TAF9: variants seen among roughly 807,000 people sequenced by gnomAD.
TAF9 encodes the protein TATA-box binding protein associated factor 9, also known as transcription initiation factor TFIID subunit 9.
TAF9 carries 10 observed loss-of-function variants against 16.5 expected under a neutral mutation model. The ratio of observed to expected loss-of-function variants is 0.61; its 90% CI spans 0.37 to 1.03. The LOEUF (loss-of-function observed/expected upper bound fraction) is 1.03, where lower values mean the gene tolerates loss of function less well. Among genes scored for constraint, TAF9 ranks in the 50% least tolerant of loss-of-function variants. The pLI is 0.01. For synonymous variants in TAF9, 105 were observed against 120.5 expected, an observed-to-expected ratio of 0.87 and a Z score of 0.84; for missense variants, 288 against 319.1, an observed-to-expected ratio of 0.90 and a Z score of 0.74.
At position 69,364,882 on chromosome 5, in the gene TAF9, G is replaced by T; in HGVS notation, c.*61C>A. 1.4e-6 allele frequency: 2 copies of T among 1,447,186 alleles called. No individual in the cohort carries two copies. The highest frequency in any genetic ancestry group is 1.9e-6 in the Non-Finnish European group (2 of 1,065,218). The allele number at this position is 1,447,186 out of a possible 1,614,324, so 89.6% of individuals were successfully genotyped here. A position where few individuals can be genotyped will look rare whatever the true frequency, so the allele number is the denominator to read the frequency against. ...CAACTTGAAAACATCCAGCATGCAT[G>T]TTTAATATCAGTACAATGAATTCAA... On this transcript the variant is annotated 3_prime_UTR_variant, in exon 3 of 3. Transcript: ENST00000217893.
chr5:69,365,831 A>T (rs942450406), intron 2 of TAF9, 77 bp from the exon 3 acceptor site: 5 of 1,115,784 alleles, frequency 4.5e-6, no homozygotes, highest in Non-Finnish European at 6.1e-6. Context: ...TCAGGAACTT[A>T]AAAAAATTTT....
chr5:69,369,651 G>A, upstream of TAF9: 1 of 1,561,202 alleles, frequency 6.4e-7, no homozygotes, highest in Non-Finnish European at 8.7e-7. Context: ...GCGGCCCACT[G>A]GTTACCTGGC....
chr5:69,366,493 T>C lies in TAF9; in HGVS notation c.-18+10A>G, dbSNP rs772385648. ...AAACAAAACAAATCTAACACCAAAG[T>C]GTCCCTTACCTTCTCGAGCTAAATC... On this transcript the variant is annotated intron_variant, in intron 2 of 2. Coordinates refer to ENST00000217893, the MANE Select transcript of TAF9 (RefSeq NM_003187.5). The C allele has an allele frequency of 1.9e-6, 3 of 1,605,598 alleles. No individual in the cohort carries two copies. The Admixed American group carries it at 5.1e-5, about 27-fold the overall frequency.
At chr5:69,365,786 A>G in intron 2 of TAF9, 32 bp from the exon 3 acceptor site, 1 of 1,423,608 alleles carries the variant, frequency 7.0e-7, no homozygotes, top group South Asian at 1.6e-5. Flanking sequence ...TATGTACATT[A>G]GATCAATCTG....
At chr5:69,369,406 A>T in intron 1 of TAF9, 57 bp downstream of exon 1, 1 of 1,593,100 alleles carries the variant, frequency 6.3e-7, no homozygotes, top group Admixed American at 1.7e-5. Flanking sequence ...CGATGCCCAG[A>T]GCACTCTGCG....
chr5:69,366,192 C>G (rs560025569), intron 2 of TAF9, among the ~76,000 whole-genome samples: 28 of 152,262 alleles, frequency 1.8e-4, no homozygotes, highest in Non-Finnish European at 1.5e-5. Flanking sequence ...CAGTACCAAA[C>G]CTTTGTTTGT....
At chr5:69,365,917 G>A (rs1456428705) in intron 2 of TAF9, among the ~76,000 whole-genome samples, 163 bp from the exon 3 acceptor site, 1 of 152,050 alleles carries the variant, frequency 6.6e-6, no homozygotes, top group Non-Finnish European at 1.5e-5. Context: ...GGCAACTTAA[G>A]GTCGCTTTAA....
At chr5:69,368,501 T>C (rs1762617623) in intron 1 of TAF9, among the ~76,000 whole-genome samples, 1 of 152,184 alleles carries the variant, frequency 6.6e-6, no homozygotes, top group African/African-American at 2.4e-5. Context: ...GGCACTATGT[T>C]TGATCCATGC....
intron 1 of TAF9, chr5:69,369,118 G>A (rs1762695670): frequency 2.4e-6 from 1 of 417,268 alleles, no homozygotes; most frequent in Non-Finnish European, 4.2e-6. Flanking sequence ...AAAATCCCAA[G>A]GCCAACCCTG....
chr5:69,365,867 T>A lies in TAF9; in HGVS notation c.-17-113A>T, dbSNP rs568084120. The A allele has an allele frequency of 1.1e-4, 78 of 726,664 alleles. No homozygotes were observed. Among genetic ancestry groups the A allele is most frequent in the Admixed American group, 3.0e-4 (8 of 26,768 alleles). 45.0% of individuals were successfully genotyped at this position (726,664 alleles called of 1,614,324 possible). On this transcript the variant is annotated intron_variant, in intron 2 of 2. Transcript: ENST00000217893. ...AAATCTATGTTAAACTGTAAAAAAA[T>A]TTTTAAAATTTAAACCATATGTTTT...
At chr5:69,369,413 T>G in intron 1 of TAF9, 50 bp downstream of exon 1, 1 of 1,598,546 alleles carries the variant, frequency 6.3e-7, no homozygotes, top group Non-Finnish European at 8.5e-7. Flanking sequence ...CAGAGCACTC[T>G]GCGCCCCCAG....
Position 69,364,855 on chromosome 5 carries a change from C to T in TAF9, c.*88G>A. 1 of 1,242,032 alleles carries T rather than the reference C, an allele frequency of 8.1e-7. No individual in the cohort carries two copies. Among genetic ancestry groups the T allele is most frequent in the East Asian group, 2.3e-5 (1 of 42,878 alleles). 76.9% of individuals were successfully genotyped at this position (1,242,032 alleles called of 1,614,324 possible). A position where few individuals can be genotyped will look rare whatever the true frequency, so the allele number is the denominator to read the frequency against. On this transcript the variant is annotated 3_prime_UTR_variant, in exon 3 of 3. Transcript: ENST00000217893. ...ACTCATTATTATTAGTTTTCTAAAA[C>T]ACAACTTGAAAACATCCAGCATGCA...
rs200813638 is a variant in TAF9, at chr5:69,369,517, C to G, written c.-165G>C. 2,235 of 1,611,326 alleles carry G rather than the reference C, an allele frequency of 1.4e-3. 7 individuals carry two copies. Among genetic ancestry groups the G allele is most frequent in the Non-Finnish European group, 1.6e-3 (1,896 of 1,179,238 alleles). On this transcript the variant is annotated 5_prime_UTR_variant, in exon 1 of 3. Coordinates refer to ENST00000217893, the MANE Select transcript of TAF9 (RefSeq NM_003187.5). ...GTCCCCGCCGCGACGGCTTCGGGCG[C>G]CTCGCTCACGTGCCCTTTGCTCTAC... is the stretch of plus-strand genomic sequence containing the variant.
At chr5:69,369,316 G>C (rs1288827716) in intron 1 of TAF9, 147 bp downstream of exon 1, 26 of 648,234 alleles carry the variant, frequency 4.0e-5, no homozygotes, top group Non-Finnish European at 5.0e-5. Context: ...GCGAGGGTCG[G>C]CTCCCGGGGC....
At chr5:69,368,603 C>A (rs1762628632) in intron 1 of TAF9, among the ~76,000 whole-genome samples, 1 of 152,072 alleles carries the variant, frequency 6.6e-6, no homozygotes, top group African/African-American at 2.4e-5. Context: ...ACAGACATGT[C>A]TTGTGCGCTG....
intron 1 of TAF9, among the ~76,000 whole-genome samples, chr5:69,368,519 T>C (rs143351401): frequency 2.6e-5 from 4 of 152,284 alleles, no homozygotes; most frequent in Non-Finnish European, 5.9e-5. Flanking sequence ...TGCAAAAAGA[T>C]GTAAAATCTT....
intron 1 of TAF9, chr5:69,366,832 C>G (rs1330428419): frequency 2.1e-6 from 1 of 474,952 alleles, no homozygotes; most frequent in Non-Finnish European, 3.8e-6. Flanking sequence ...AATCTTGGCT[C>G]ACTGCAACCT....
chr5:69,368,795 A>G (rs894579269), intron 1 of TAF9: 1 of 152,226 alleles, frequency 6.6e-6, no homozygotes, highest in African/African-American at 2.4e-5. Context: ...GTTATGCAGC[A>G]TTTTAATTCC....
chr5:69,366,803 G>C (rs1762448911), intron 1 of TAF9: 5 of 539,840 alleles, frequency 9.3e-6, no homozygotes, highest in Non-Finnish European at 1.7e-5. Context: ...TTGTCGCCCA[G>C]GCTGGAGTGC....
Sources: gnomAD v4.1 joint callset for allele counts (sites outside exome capture counted in the v4.1 genomes callset) on GRCh38, gnomAD v4.1.1 for gene constraint, MANE v1.5 for transcripts, NCBI Gene and HGNC (gene_info 2026-07-23, HGNC 2026-07-21) for gene names.